The following TGFBRAP1 variants were observed in gnomAD, a reference collection of about 807,000 sequenced individuals.
TGFBRAP1 encodes transforming growth factor beta receptor associated protein 1.
TGFBRAP1 carries 20 observed loss-of-function variants against 83.2 expected under a neutral mutation model. The ratio of observed to expected loss-of-function variants is 0.24; its 90% CI spans 0.17 to 0.35. The LOEUF (loss-of-function observed/expected upper bound fraction) is 0.35, where lower values mean the gene tolerates loss of function less well. Ranked by LOEUF, TGFBRAP1 falls within the 10% of genes least tolerant of loss-of-function variation. TGFBRAP1 has a pLI of 1.00. For synonymous variants in TGFBRAP1, 415 were observed against 459.8 expected (o/e 0.90, Z 1.25); for missense variants, 950 against 1,099.4 (o/e 0.86, Z 1.92).
the TGFBRAP1 span, among the ~76,000 whole-genome samples, chr2:105,251,608 C>A: frequency 2.0e-5 from 3 of 151,618 alleles, no homozygotes; most frequent in Admixed American, 1.3e-4. Context: ...AAGTGAGGAG[C>A]CCCTCTGCCC....
the TGFBRAP1 span, among the ~76,000 whole-genome samples, chr2:105,257,227 C>A: frequency 6.6e-6 from 1 of 152,178 alleles, no homozygotes; most frequent in East Asian, 1.9e-4. Context: ...GGACCCCTTT[C>A]TGGTAACATT....
At chr2:105,315,741 T>A (rs1263130537) in intron 1 of TGFBRAP1, among the ~76,000 whole-genome samples, 1 of 152,226 alleles carries the variant, frequency 6.6e-6, no homozygotes, top group African/African-American at 2.4e-5. Flanking sequence ...GGAAATCTCA[T>A]ACGTTGCTGG....
At position 105,267,033 on chromosome 2, in the gene TGFBRAP1, A is replaced by G; in HGVS notation, c.*350T>C. Reference sequence around the variant, plus strand: ...GGTTGGAGTGTGGGGGTGGTGGGGGATCCCCCACCTGGGTCTGGACTGCAT... The same window carrying G: ...GGTTGGAGTGTGGGGGTGGTGGGGGGTCCCCCACCTGGGTCTGGACTGCAT... On this transcript the variant is annotated 3_prime_UTR_variant, in exon 12 of 12. Transcript: ENST00000393359. 12 of 178,368 alleles carry G rather than the reference A, an allele frequency of 6.7e-5. No homozygotes were observed. Among genetic ancestry groups the G allele is most frequent in the Non-Finnish European group, 1.1e-4 (9 of 85,626 alleles). 11.0% of individuals were successfully genotyped at this position (178,368 alleles called of 1,614,324 possible).
intron 2 of TGFBRAP1, among the ~76,000 whole-genome samples, chr2:105,303,239 C>T (rs897865269): frequency 1.3e-5 from 2 of 151,992 alleles, no homozygotes; most frequent in Non-Finnish European, 2.9e-5. Context: ...AGGCCAGCCT[C>T]GGCAACATAG....
intron 1 of TGFBRAP1, among the ~76,000 whole-genome samples, chr2:105,310,912 T>A (rs1678668616): frequency 6.6e-6 from 1 of 152,148 alleles, no homozygotes; most frequent in South Asian, 2.1e-4. Context: ...AAATATAAAT[T>A]GTGTCTCCCT....
chr2:105,284,907 T>C (rs1677663123), intron 4 of TGFBRAP1, among the ~76,000 whole-genome samples: 2 of 152,184 alleles, frequency 1.3e-5, no homozygotes, highest in Admixed American at 6.5e-5. Flanking sequence ...CACACCAACA[T>C]CCGACACTCC....
In TGFBRAP1 at chr2:105,307,901, A is replaced by G. The variant is rs763807096; in HGVS notation, c.401T>C (p.Phe134Ser). ...LNENPVSGDP[F>S]CVEVCIISVK... ...AGAGATGATGCAAACTTCTACACAG[A>G]AGGGGTCCCCACTCACAGGGTTCTC... is the stretch of plus-strand genomic sequence containing the variant. Residue 134 changes from phenylalanine (F) to serine (S), a missense_variant, in exon 2 of 12, where the codon TTC (phenylalanine) becomes TCC (serine). Phe to Ser is a radical substitution (Grantham distance 155). Transcript: ENST00000393359. 6.2e-7 allele frequency: 1 copy of G among 1,614,172 alleles called. No homozygotes were observed. The highest frequency in any genetic ancestry group is 1.1e-5 in the South Asian group (1 of 91,078).
chr2:105,257,511 G>A, the TGFBRAP1 span, among the ~76,000 whole-genome samples: 1 of 152,122 alleles, frequency 6.6e-6, no homozygotes, highest in African/African-American at 2.4e-5. Flanking sequence ...GAATCACACA[G>A]TATGTGTCCT....
intron 4 of TGFBRAP1, among the ~76,000 whole-genome samples, chr2:105,295,206 A>G (rs1678042745): frequency 6.6e-6 from 1 of 152,116 alleles, no homozygotes; most frequent in South Asian, 2.1e-4. Flanking sequence ...AAATCACACA[A>G]CCTGTCTTCT....
intron 4 of TGFBRAP1, among the ~76,000 whole-genome samples, chr2:105,294,801 C>A (rs2576748): frequency 0.74 from 112,371 of 152,200 alleles, 41,757 homozygotes; most frequent in East Asian, 0.8. Context: ...AAATCAGATA[C>A]ACAGCATTGA....
chr2:105,294,617 G>T (rs552302266), intron 4 of TGFBRAP1, among the ~76,000 whole-genome samples: 1 of 152,226 alleles, frequency 6.6e-6, no homozygotes, highest in Non-Finnish European at 1.5e-5. Context: ...TGTATTTCCA[G>T]GGCTGGAGAT....
intron 1 of TGFBRAP1, among the ~76,000 whole-genome samples, chr2:105,319,690 CA>C (rs201240011): frequency 0.38 from 41,817 of 108,996 alleles, 6,248 homozygotes; most frequent in South Asian, 0.45. Context: ...AAAACTCTCT[CA>C]AAAAAAAAAA....
intron 10 of TGFBRAP1, among the ~76,000 whole-genome samples, chr2:105,270,629 G>A (rs940429096): frequency 1.3e-5 from 2 of 152,182 alleles, no homozygotes; most frequent in African/African-American, 4.8e-5. Flanking sequence ...CTTGGCTGTC[G>A]CTTAGGCCTG....
At chr2:105,311,519 C>T (rs920505989) in intron 1 of TGFBRAP1, among the ~76,000 whole-genome samples, 2 of 151,660 alleles carry the variant, frequency 1.3e-5, no homozygotes, top group Non-Finnish European at 2.9e-5. Context: ...CAGTGGTTTG[C>T]GGCTTCAGTG....
intron 11 of TGFBRAP1, among the ~76,000 whole-genome samples, chr2:105,268,703 C>A (rs745927794): frequency 1.3e-5 from 2 of 152,140 alleles, no homozygotes; most frequent in Non-Finnish European, 1.5e-5. Context: ...GTCGGATACC[C>A]GCTCTGGAAA....
chr2:105,283,173 C>T (rs1011913884), intron 5 of TGFBRAP1, among the ~76,000 whole-genome samples: 3 of 152,176 alleles, frequency 2.0e-5, no homozygotes, highest in Admixed American at 6.5e-5. Flanking sequence ...CCTGAAGCCA[C>T]GGGTCTTTCC....
At position 105,298,721 on chromosome 2, in the gene TGFBRAP1, AAG is replaced by A. The variant is rs765367457; in HGVS notation, c.689-18_689-17del. ...GCAAACATGCCTAGAAGTAAGAAGA[AAG>A]AGTTAGGTAGGCTTCCAAATAAGCA... On this transcript the variant is annotated splice_polypyrimidine_tract_variant and intron_variant, in intron 2 of 11. Transcript: ENST00000393359. The A allele has an allele frequency of 1.3e-6, 2 of 1,556,232 alleles. No homozygotes were observed. The highest frequency in any genetic ancestry group is 4.6e-5 in the East Asian group (2 of 43,752).
intron 2 of TGFBRAP1, among the ~76,000 whole-genome samples, chr2:105,302,790 A>G (rs1211482025): frequency 6.6e-6 from 1 of 152,224 alleles, no homozygotes; most frequent in Non-Finnish European, 1.5e-5. Context: ...CAACTTCTAA[A>G]AATCAAAAGT....
rs1679316673 is a variant in TGFBRAP1 at position 105,329,632 on chromosome 2, G to T, written c.-25C>A. The T allele has an allele frequency of 1.4e-5, 2 of 145,912 alleles. No homozygotes were observed. Among genetic ancestry groups the T allele is most frequent in the African/African-American group, 2.5e-5 (1 of 40,406 alleles). The allele number at this position is 145,912 out of a possible 1,614,324, so 9.0% of individuals were successfully genotyped here. A position where few individuals can be genotyped will look rare whatever the true frequency, so the allele number is the denominator to read the frequency against. Reference sequence around the variant, plus strand: ...GCCGCCCTCCTCACTCACCGGCGCCGGCGCCCGCCGTCCCGCGCCGCCCCG... The same window carrying T: ...GCCGCCCTCCTCACTCACCGGCGCCTGCGCCCGCCGTCCCGCGCCGCCCCG... On this transcript the variant is annotated 5_prime_UTR_variant, in exon 1 of 12. Transcript: ENST00000393359.
Sources: gnomAD v4.1 joint callset for allele counts (sites outside exome capture counted in the v4.1 genomes callset) on GRCh38, gnomAD v4.1.1 for gene constraint, MANE v1.5 for transcripts, NCBI Gene and HGNC (gene_info 2026-07-23, HGNC 2026-07-21) for gene names.